EXOC4: variants seen among roughly 807,000 people sequenced by gnomAD.
EXOC4 encodes the protein SEC8-like 1.
Under a neutral mutation model 107.2 loss-of-function variants are expected in EXOC4, and 71 were observed. The ratio of observed to expected loss-of-function variants is 0.66; its 90% CI spans 0.55 to 0.81. The LOEUF is 0.81. Among genes scored for constraint, EXOC4 ranks in the 30% least tolerant of loss-of-function variants. The pLI is 0.00. For missense variants in EXOC4, 1,108 were observed against 1,189.6 expected (o/e 0.93, Z 1.01); for synonymous variants, 456 against 441.2 (o/e 1.03, Z -0.42).
rs769104059 is a variant in EXOC4, at chr7:133,306,016, C to T, written c.611C>T (p.Ser204Leu). The change falls in exon 4 of 18, where the codon TCG becomes TTG. Residue 204 changes from serine to leucine, a missense_variant. Transcript: ENST00000253861. Reference sequence around the variant, plus strand: ...CTACACCGGCACCTGTACATCAAATCGACTAGCCGAGTTGTGCAGCGTAAC... The same window carrying T: ...CTACACCGGCACCTGTACATCAAATTGACTAGCCGAGTTGTGCAGCGTAAC... Reference protein sequence around the residue: ...DELHRHLYIKSTSRVVQRNKE... With the variant: ...DELHRHLYIKLTSRVVQRNKE... 4 of 1,613,528 alleles carry T rather than the reference C, an allele frequency of 2.5e-6. No homozygotes were observed. Among genetic ancestry groups the T allele is most frequent in the Admixed American group, 1.7e-5 (1 of 59,924 alleles).
intron 10 of EXOC4, among the ~76,000 whole-genome samples, chr7:133,630,889 C>A (rs1802575436): frequency 6.6e-6 from 1 of 151,938 alleles, no homozygotes; most frequent in South Asian, 2.1e-4. Flanking sequence ...AAATATAAAT[C>A]CTAAATACTT....
intron 10 of EXOC4, among the ~76,000 whole-genome samples, chr7:133,694,884 G>A (rs1034308735): frequency 2.6e-5 from 4 of 151,966 alleles, no homozygotes; most frequent in South Asian, 4.2e-4. Flanking sequence ...GTGCAATGGC[G>A]CAATCTCAGC....
At chr7:133,829,174 G>A (rs1349906299) in intron 11 of EXOC4, among the ~76,000 whole-genome samples, 2 of 152,198 alleles carry the variant, frequency 1.3e-5, no homozygotes, top group Admixed American at 6.5e-5. Flanking sequence ...TTGAGACAGT[G>A]AGAGTCTAAA....
chr7:133,791,383 G>C (rs768590853), intron 10 of EXOC4, among the ~76,000 whole-genome samples: 68 of 152,140 alleles, frequency 4.5e-4, no homozygotes, highest in Non-Finnish European at 8.8e-5. Context: ...ATAGAAATAG[G>C]GGCTGGATCT....
intron 9 of EXOC4, among the ~76,000 whole-genome samples, chr7:133,537,878 G>A (rs1431206028): frequency 2.0e-5 from 3 of 152,186 alleles, no homozygotes; most frequent in Admixed American, 6.5e-5. Flanking sequence ...TGAAGATGGG[G>A]TTGTAAAGAG....
rs750294784 is a variant in EXOC4 at position 133,895,608 on chromosome 7, A to G, written c.1744A>G (p.Ile582Val). 25 of 1,613,866 alleles carry G rather than the reference A, an allele frequency of 1.5e-5. No individual in the cohort carries two copies. Among genetic ancestry groups the G allele is most frequent in the Non-Finnish European group, 1.9e-5 (23 of 1,179,952 alleles). ...TGTTGTTCATTTCCAGAGCACAATC[A>G]TTGTGGAGAAGACAGTTCAAGACCT... Reference protein sequence around the residue: ...VQRPLLQSTIIVEKTVQDLLN... With the variant: ...VQRPLLQSTIVVEKTVQDLLN... The change falls in exon 12 of 18, where the codon ATT becomes GTT. Residue 582 changes from isoleucine (I) to valine (V), a missense_variant. By Grantham distance (29) the Ile-to-Val change is conservative (BLOSUM62 3). Transcript: ENST00000253861.
chr7:133,268,860 T>A (rs1055617123), intron 1 of EXOC4, among the ~76,000 whole-genome samples: 9 of 152,210 alleles, frequency 5.9e-5, no homozygotes, highest in Admixed American at 5.2e-4. Flanking sequence ...AATTAATTAG[T>A]CATGGTTAAG....
intron 7 of EXOC4, among the ~76,000 whole-genome samples, chr7:133,469,340 T>C (rs989775194): frequency 2.0e-5 from 3 of 152,042 alleles, no homozygotes; most frequent in Non-Finnish European, 4.4e-5. Context: ...CGCTTGAACC[T>C]GGGAGGTGGC....
chr7:133,649,045 C>A (rs1803066761), intron 10 of EXOC4, among the ~76,000 whole-genome samples: 1 of 152,092 alleles, frequency 6.6e-6, no homozygotes, highest in African/African-American at 2.4e-5. Flanking sequence ...CTCAGTATAC[C>A]ACTCATACAG....
intron 10 of EXOC4, among the ~76,000 whole-genome samples, chr7:133,741,733 C>T (rs945432178): frequency 8.5e-5 from 13 of 152,124 alleles, no homozygotes; most frequent in Non-Finnish European, 1.9e-4. Context: ...ATTTAAGGTA[C>T]CTGAACTAAC....
chr7:133,806,107 C>T (rs777427279), intron 10 of EXOC4, among the ~76,000 whole-genome samples: 5 of 152,222 alleles, frequency 3.3e-5, no homozygotes, highest in Non-Finnish European at 5.9e-5. Flanking sequence ...GGAACACTAA[C>T]ATAGTGCCTA....
chr7:133,948,999 G>C (rs1284781807), intron 14 of EXOC4, among the ~76,000 whole-genome samples: 1 of 152,194 alleles, frequency 6.6e-6, no homozygotes, highest in South Asian at 2.1e-4. Context: ...GCAGCAAGGC[G>C]AATGCAATGC....
chr7:133,860,292 G>A (rs938899263), intron 11 of EXOC4, among the ~76,000 whole-genome samples: 3 of 152,260 alleles, frequency 2.0e-5, no homozygotes, highest in South Asian at 2.1e-4. Context: ...GGCTAATGTC[G>A]GACAGCTCGC....
intron 14 of EXOC4, among the ~76,000 whole-genome samples, chr7:133,985,392 C>T (rs1383873261): frequency 6.6e-6 from 1 of 152,170 alleles, no homozygotes; most frequent in African/African-American, 2.4e-5. Flanking sequence ...ATTACACCTG[C>T]TCCAAGAATT....
intron 13 of EXOC4, among the ~76,000 whole-genome samples, chr7:133,923,970 C>A (rs1216810177): frequency 6.8e-6 from 1 of 147,442 alleles, no homozygotes; most frequent in Non-Finnish European, 1.5e-5. Context: ...GTTGTCATGA[C>A]TATAGTGTAG....
intron 10 of EXOC4, among the ~76,000 whole-genome samples, chr7:133,706,392 C>T (rs796678284): frequency 3.9e-5 from 6 of 152,234 alleles, no homozygotes; most frequent in African/African-American, 1.4e-4. Context: ...AGTATTTGTA[C>T]TTATATTTAC....
At chr7:133,359,114 A>C (rs1796085909) in intron 6 of EXOC4, among the ~76,000 whole-genome samples, 1 of 152,226 alleles carries the variant, frequency 6.6e-6, no homozygotes, top group Admixed American at 6.5e-5. Context: ...GTACAGAGAA[A>C]GCAAGTATTT....
At position 133,678,867 on chromosome 7, in the gene EXOC4, G is replaced by A. The variant is rs544708230; in HGVS notation, c.1514+48726G>A. Among the ~76,000 whole-genome samples the A allele has an allele frequency of 9.5e-4, 144 of 152,024 alleles. 1 individual carries two copies. The highest frequency in any genetic ancestry group is 3.1e-3 in the African/African-American group (130 of 41,466). ...ACTCCTGGGCTCAAGCATTCTCCCC[G>A]CCTTGACCTCCCAAAGTGCTGGAAT... is the stretch of plus-strand genomic sequence containing the variant. On this transcript the variant is annotated intron_variant, in intron 10 of 17. Transcript: ENST00000253861.
At chr7:133,910,094 G>C (rs1585241567) in intron 12 of EXOC4, among the ~76,000 whole-genome samples, 1 of 132,180 alleles carries the variant, frequency 7.6e-6, no homozygotes, top group South Asian at 2.4e-4. Flanking sequence ...CAGCTAATTT[G>C]TATTTTTAGT....
Sources: allele counts gnomAD v4.1 joint callset (sites outside exome capture counted in the v4.1 genomes callset), GRCh38; gene constraint gnomAD v4.1.1; transcripts MANE v1.5; gene names NCBI Gene and HGNC (gene_info 2026-07-23, HGNC 2026-07-21).